PRMT2: variants seen among roughly 807,000 people sequenced by gnomAD.
PRMT2 encodes protein arginine N-methyltransferase 2.
Under a neutral mutation model 57.6 loss-of-function variants are expected in PRMT2, and 26 were observed. The ratio of observed to expected loss-of-function variants is 0.45; its 90% CI spans 0.33 to 0.63. PRMT2 has a LOEUF of 0.63. PRMT2 is among the 20% of genes least tolerant of loss of function. PRMT2 has a pLI of 0.02. For synonymous variants in PRMT2, 219 were observed against 220.0 expected (o/e 1.00, Z 0.04); for missense variants, 472 against 564.4 (o/e 0.84, Z 1.66).
At chr21:46,638,065 A>G (rs2061206533) in intron 3 of PRMT2, among the ~76,000 whole-genome samples, 1 of 152,120 alleles carries the variant, frequency 6.6e-6, no homozygotes, top group African/African-American at 2.4e-5. Flanking sequence ...GTGAATCATG[A>G]GTCTGTTTTG....
rs746794214 is a variant in PRMT2 at position 46,636,980 on chromosome 21, G to T, written c.29G>T (p.Ser10Ile). 4.3e-6 allele frequency: 7 copies of T among 1,613,804 alleles called. No homozygotes were observed. The African/African-American group carries it at 9.3e-5, about 22-fold the overall frequency. The change falls in exon 3 of 12, where the codon AGT becomes ATT. Residue 10 changes from serine to isoleucine, a missense_variant. Ser to Ile is a moderately radical substitution (Grantham distance 142, BLOSUM62 -2). Transcript: ENST00000355680. MATSGDCPR[S>I]ESQGEEPAEC... ...GCAACATCAGGTGACTGTCCCAGAA[G>T]TGAATCGCAGGTAATTTCCGTTCCA...
intron 5 of PRMT2, among the ~76,000 whole-genome samples, chr21:46,645,756 A>G (rs1219797027): frequency 1.3e-5 from 2 of 150,088 alleles, no homozygotes; most frequent in Non-Finnish European, 3.0e-5. Context: ...TTGCTCTGTC[A>G]CCCAGACTGG....
At chr21:46,661,665 C>G in intron 9 of PRMT2, 135 bp from the exon 10 acceptor site, 1 of 943,138 alleles carries the variant, frequency 1.1e-6, no homozygotes, top group Non-Finnish European at 1.4e-6. Flanking sequence ...GGGGTGGTTT[C>G]CCCAGGCTGG....
At chr21:46,659,778 TC>T in intron 8 of PRMT2, 2 of 985,402 alleles carry the variant, frequency 2.0e-6, no homozygotes. Flanking sequence ...CCAGTGGCCG[TC>T]CAGAGGAACG....
intron 11 of PRMT2, among the ~76,000 whole-genome samples, chr21:46,663,986 G>A (rs767051151): frequency 1.3e-5 from 2 of 152,188 alleles, no homozygotes; most frequent in Non-Finnish European, 1.5e-5. Flanking sequence ...CTTCGGATCC[G>A]TGTGTGAATT....
intron 7 of PRMT2, chr21:46,652,352 T>C (rs559570540): frequency 7.1e-6 from 8 of 1,125,660 alleles, no homozygotes; most frequent in African/African-American, 6.4e-5. Context: ...CTAAAAACTA[T>C]TAAATGGTAA....
Position 46,663,893 on chromosome 21 carries a change from C to T in PRMT2, c.1269+339C>T, listed in dbSNP as rs537371142. 2.0e-5 allele frequency among the ~76,000 whole-genome samples: 3 copies of T among 152,272 alleles called. No homozygotes were observed. The South Asian group carries it at 6.2e-4, about 32-fold the overall frequency. ...CAGAAGCCTGAGCTGTGCCTTGGCG[C>T]TCCCTTTACACAGGCCTCTGTGGCT... On this transcript the variant is annotated intron_variant, in intron 11 of 11. Coordinates refer to ENST00000355680, the MANE Select transcript of PRMT2 (RefSeq NM_206962.4).
rs772869447 is a variant in PRMT2 at position 46,664,341 on chromosome 21, A to G, written c.*14A>G. 1 of 1,614,112 alleles carries G rather than the reference A, an allele frequency of 6.2e-7. No homozygotes were observed. The highest frequency in any genetic ancestry group is 1.1e-5 in the South Asian group (1 of 91,088). ...ATCTGGAGATGACAGTTGATGCTTTATTTGGAAAGCAGTGTGCATATCTTG... is the reference window on the plus strand; with the variant it reads ...ATCTGGAGATGACAGTTGATGCTTTGTTTGGAAAGCAGTGTGCATATCTTG... On this transcript the variant is annotated 3_prime_UTR_variant, in exon 12 of 12. Coordinates refer to ENST00000355680, the MANE Select transcript of PRMT2 (RefSeq NM_206962.4).
At chr21:46,637,753 ATG>A (rs1450854783) in intron 3 of PRMT2, among the ~76,000 whole-genome samples, 1 of 151,318 alleles carries the variant, frequency 6.6e-6, no homozygotes, top group African/African-American at 2.4e-5. Flanking sequence ...AGCTATATAT[ATG>A]TGTGTGTATA....
intron 7 of PRMT2, among the ~76,000 whole-genome samples, chr21:46,651,460 C>T (rs750985773): frequency 6.7e-5 from 10 of 149,610 alleles, no homozygotes; most frequent in African/African-American, 1.7e-4. Flanking sequence ...TCTCGGTGGG[C>T]GATGGCCTGG....
chr21:46,664,281 T>G lies in PRMT2; in HGVS notation c.1270-14T>G, dbSNP rs930691028. ...TTATCATCTGATTGACCTGTTGTCA[T>G]TTATCTTTTTCAGGTTGGAGAAAAA... On this transcript the variant is annotated splice_polypyrimidine_tract_variant and intron_variant, in intron 11 of 11. Coordinates refer to ENST00000355680, the MANE Select transcript of PRMT2 (RefSeq NM_206962.4). 1.4e-5 allele frequency: 22 copies of G among 1,596,282 alleles called. No individual in the cohort carries two copies. The highest frequency in any genetic ancestry group is 1.9e-5 in the Non-Finnish European group (22 of 1,163,904).
rs1490963997 is a variant in PRMT2, at chr21:46,662,241, C to T, written c.1097+305C>T. On this transcript the variant is annotated intron_variant, in intron 10 of 11. Transcript: ENST00000355680. ...CCACCCCGCGAGGAGCACCACAGCT[C>T]TTCATGGTCTGACCCAAAGCGCCTC... is the stretch of plus-strand genomic sequence containing the variant. Among the ~76,000 whole-genome samples, 5 of 152,342 alleles carry T rather than the reference C, an allele frequency of 3.3e-5. No homozygotes were observed. The East Asian group carries it at 9.6e-4, about 29-fold the overall frequency.
chr21:46,646,732 A>G (rs537533279), intron 5 of PRMT2, among the ~76,000 whole-genome samples: 2 of 152,266 alleles, frequency 1.3e-5, no homozygotes, highest in African/African-American at 4.8e-5. Flanking sequence ...GTGTGTGTGT[A>G]GTGTGTACAT....
chr21:46,637,335 T>C (rs1326237422), intron 3 of PRMT2, among the ~76,000 whole-genome samples: 2 of 152,234 alleles, frequency 1.3e-5, no homozygotes, highest in Admixed American at 1.3e-4. Flanking sequence ...GAAGGCAAGT[T>C]GGACACATTA....
In PRMT2 at chr21:46,644,356, A is replaced by G; in HGVS notation, c.195A>G (p.Ala65=). Residue 65 remains alanine, a synonymous_variant, in exon 5 of 12, where the codon GCA becomes GCG. Coordinates refer to ENST00000355680, the MANE Select transcript of PRMT2 (RefSeq NM_206962.4). ...TTCTTATCCTGAGACAAACCACTGC[A>G]GATTGGTGGTGGGGTGAGCGTGCGG... ...EKILILRQTT[A]DWWWGERAGC... 2.5e-6 allele frequency: 4 copies of G among 1,611,554 alleles called. No individual in the cohort carries two copies. Among genetic ancestry groups the G allele is most frequent in the African/African-American group, 1.3e-5 (1 of 74,794 alleles).
chr21:46,639,885 C>T (rs1021508612), intron 3 of PRMT2, among the ~76,000 whole-genome samples: 22 of 152,200 alleles, frequency 1.4e-4, no homozygotes, highest in Non-Finnish European at 2.6e-4. Flanking sequence ...CATGTTATGA[C>T]GAATGTGATG....
chr21:46,637,488 A>G (rs552038608), intron 3 of PRMT2, among the ~76,000 whole-genome samples: 32 of 152,320 alleles, frequency 2.1e-4, no homozygotes, highest in African/African-American at 7.2e-4. Flanking sequence ...CTGTTTTTAA[A>G]AATCAAGCAT....
intron 9 of PRMT2, 154 bp from the exon 10 acceptor site, chr21:46,661,646 C>T (rs562376426): frequency 9.1e-6 from 6 of 658,364 alleles, no homozygotes; most frequent in East Asian, 3.5e-5. Flanking sequence ...ACTCACGATG[C>T]GGGTTTTGGG....
Position 46,664,447 on chromosome 21 carries a change from T to G in PRMT2, c.*120T>G. On this transcript the variant is annotated 3_prime_UTR_variant, in exon 12 of 12. Transcript: ENST00000355680. ...AAAGTCGGTGAACATTCACTCCACA[T>G]TGACCCCTCCCTAGCCTGGCAGGTG... 7.8e-7 allele frequency: 1 copy of G among 1,280,616 alleles called. No homozygotes were observed. Among genetic ancestry groups the G allele is most frequent in the Non-Finnish European group, 1.1e-6 (1 of 887,774 alleles). 79.3% of individuals were successfully genotyped at this position (1,280,616 alleles called of 1,614,324 possible). A position where few individuals can be genotyped will look rare whatever the true frequency, so the allele number is the denominator to read the frequency against.
Sources: allele counts gnomAD v4.1 joint callset (sites outside exome capture counted in the v4.1 genomes callset), GRCh38; gene constraint gnomAD v4.1.1; transcripts MANE v1.5; gene names NCBI Gene and HGNC (gene_info 2026-07-23, HGNC 2026-07-21).